ZNF277: variants seen among roughly 807,000 people sequenced by gnomAD.
The protein encoded by ZNF277 is zinc finger protein 277, also known as nuclear receptor-interacting factor 4.
In ZNF277, 55 loss-of-function variants were observed where a neutral mutation model predicts 60.7. The observed-to-expected ratio is 0.91, with a 90% CI of 0.73 to 1.13. The LOEUF is 1.13. ZNF277 is among the 50% of genes most tolerant of loss of function. The probability of loss-of-function intolerance (pLI) is 0.00; values close to 1 mark genes in which losing one functional copy is unlikely to be tolerated. For synonymous variants in ZNF277, 178 were observed against 179.3 expected, an observed-to-expected ratio of 0.99 and a Z score of 0.06; for missense variants, 510 against 523.0, an observed-to-expected ratio of 0.98 and a Z score of 0.24.
At chr7:112,272,682 C>T (rs1283136148) in intron 1 of ZNF277, among the ~76,000 whole-genome samples, 3 of 151,988 alleles carry the variant, frequency 2.0e-5, no homozygotes, top group Non-Finnish European at 4.4e-5. Context: ...TTAGTAGTGA[C>T]GGGGTTTCAC....
chr7:112,213,755 C>T (rs1323454497), intron 1 of ZNF277, among the ~76,000 whole-genome samples: 2 of 152,160 alleles, frequency 1.3e-5, no homozygotes, highest in Non-Finnish European at 1.5e-5. Flanking sequence ...ACAGACTTTT[C>T]TTACACATAA....
intron 7 of ZNF277, among the ~76,000 whole-genome samples, chr7:112,332,441 C>T (rs1793246968): frequency 6.6e-6 from 1 of 152,110 alleles, no homozygotes; most frequent in Admixed American, 6.6e-5. Context: ...TTCATTTTTA[C>T]AATTGAGACA....
At chr7:112,341,179 G>A in intron 11 of ZNF277, 133 bp downstream of exon 11, 1 of 717,852 alleles carries the variant, frequency 1.4e-6, no homozygotes. Context: ...AGTACAGTGT[G>A]GGGAAAAATG....
At chr7:112,331,223 G>T (rs1011802193) in intron 7 of ZNF277, among the ~76,000 whole-genome samples, 3 of 152,104 alleles carry the variant, frequency 2.0e-5, no homozygotes, top group Non-Finnish European at 4.4e-5. Context: ...GGAAATATGG[G>T]AGGGGATTTT....
At chr7:112,243,898 C>G (rs570477140) in intron 1 of ZNF277, among the ~76,000 whole-genome samples, 1 of 151,930 alleles carries the variant, frequency 6.6e-6, no homozygotes, top group Non-Finnish European at 1.5e-5. Context: ...TGGAATAAAC[C>G]TACGCGTCCA....
chr7:112,324,173 C>T (rs2117120913), intron 5 of ZNF277, among the ~76,000 whole-genome samples: 1 of 152,202 alleles, frequency 6.6e-6, no homozygotes, highest in South Asian at 2.1e-4. Flanking sequence ...ATTTAATATA[C>T]CTAACCTACC....
At chr7:112,257,134 A>G (rs895658796) in intron 1 of ZNF277, among the ~76,000 whole-genome samples, 6 of 152,234 alleles carry the variant, frequency 3.9e-5, no homozygotes, top group Admixed American at 3.9e-4. Context: ...ATGACCATCA[A>G]CATAATCAAT....
chr7:112,271,223 T>C (rs1046434022), intron 1 of ZNF277, among the ~76,000 whole-genome samples: 5 of 152,182 alleles, frequency 3.3e-5, no homozygotes, highest in African/African-American at 1.2e-4. Context: ...ACGAGATTTC[T>C]ATCACCTTTT....
chr7:112,224,800 A>G (rs907731453), intron 1 of ZNF277, among the ~76,000 whole-genome samples: 2 of 152,222 alleles, frequency 1.3e-5, no homozygotes, highest in African/African-American at 4.8e-5. Flanking sequence ...CACAGCTACA[A>G]GTAAACTGGA....
At chr7:112,223,777 T>C (rs1486423384) in intron 1 of ZNF277, among the ~76,000 whole-genome samples, 3 of 152,212 alleles carry the variant, frequency 2.0e-5, no homozygotes, top group African/African-American at 4.8e-5. Flanking sequence ...CAGAATTCTC[T>C]GGTTAGAATT....
chr7:112,292,480 G>GC (rs1792231450), intron 2 of ZNF277, among the ~76,000 whole-genome samples: 1 of 152,126 alleles, frequency 6.6e-6, no homozygotes, highest in Non-Finnish European at 1.5e-5. Context: ...TTCTGGTTCT[G>GC]CCTTGTCAAA....
At chr7:112,227,343 A>G (rs990704125) in intron 1 of ZNF277, among the ~76,000 whole-genome samples, 3 of 152,192 alleles carry the variant, frequency 2.0e-5, no homozygotes, top group African/African-American at 7.2e-5. Flanking sequence ...GCAAAGAACA[A>G]TTTGTGAATT....
chr7:112,281,047 G>C (rs532178966), intron 1 of ZNF277, among the ~76,000 whole-genome samples: 18 of 152,192 alleles, frequency 1.2e-4, no homozygotes, highest in Non-Finnish European at 2.5e-4. Flanking sequence ...GTAATTTAGA[G>C]ACTCTCTGTT....
intron 11 of ZNF277, among the ~76,000 whole-genome samples, chr7:112,341,731 G>A (rs1793449365): frequency 6.6e-6 from 1 of 152,134 alleles, no homozygotes; most frequent in Admixed American, 6.6e-5. Context: ...CATCGTTCTG[G>A]ATAACCTCAG....
chr7:112,241,254 A>G (rs146585948), intron 1 of ZNF277, among the ~76,000 whole-genome samples: 2 of 152,280 alleles, frequency 1.3e-5, no homozygotes, highest in African/African-American at 4.8e-5. Context: ...CAGGTATATG[A>G]AAAGGTACTC....
At chr7:112,285,460 T>A (rs1291663847) in intron 1 of ZNF277, among the ~76,000 whole-genome samples, 3 of 140,390 alleles carry the variant, frequency 2.1e-5, no homozygotes, top group Admixed American at 7.3e-5. Context: ...TTTGGAATGA[T>A]GTCTAGCCCT....
chr7:112,295,533 G>A lies in ZNF277; in HGVS notation c.294-336G>A, dbSNP rs115102104. Among the ~76,000 whole-genome samples the A allele has an allele frequency of 9.4e-3, 1,429 of 152,086 alleles. 17 individuals carry two copies. The highest frequency in any genetic ancestry group is 0.032 in the African/African-American group (1,338 of 41,488). ...TATTTAATCGTTATTGTATTTTAAA[G>A]ACACATAAACTTAGGTGTTATTTCA... is the stretch of plus-strand genomic sequence containing the variant. On this transcript the variant is annotated intron_variant, in intron 2 of 11. Coordinates refer to ENST00000361822, the MANE Select transcript of ZNF277 (RefSeq NM_021994.3).
chr7:112,310,478 A>AGAGAGAGAGAGAGAGAGAGAGAGTGTGT lies in ZNF277; in HGVS notation c.466-7703_466-7702insAGAGAGAGAGAGAGAGAGAGAGTGTGTG, dbSNP rs762824873. On this transcript the variant is annotated intron_variant, in intron 4 of 11. Coordinates refer to ENST00000361822, the MANE Select transcript of ZNF277 (RefSeq NM_021994.3). ...TTGAGAGAGAGAGAGAGAGAGAGAG[A>AGAGAGAGAGAGAGAGAGAGAGAGTGTGT]GTGTGTGTGTGTGTATGTATTTTAT... is the stretch of plus-strand genomic sequence containing the variant. 4.8e-4 allele frequency among the ~76,000 whole-genome samples: 60 copies of AGAGAGAGAGAGAGAGAGAGAGAGTGTGT among 125,556 alleles called. 2 individuals are homozygous for AGAGAGAGAGAGAGAGAGAGAGAGTGTGT. The highest frequency in any genetic ancestry group is 5.5e-4 in the Non-Finnish European group (34 of 62,228). 82.4% of individuals were successfully genotyped at this position (125,556 alleles called of 152,430 possible).
chr7:112,246,969 T>C (rs184526468), intron 1 of ZNF277, among the ~76,000 whole-genome samples: 3 of 152,322 alleles, frequency 2.0e-5, no homozygotes, highest in Admixed American at 1.3e-4. Context: ...CTTTGAGTTA[T>C]GTATTCATCT....
Sources: gnomAD v4.1 joint callset for allele counts (sites outside exome capture counted in the v4.1 genomes callset) on GRCh38, gnomAD v4.1.1 for gene constraint, MANE v1.5 for transcripts, NCBI Gene and HGNC (gene_info 2026-07-23, HGNC 2026-07-21) for gene names.